Variants in PCYT1B observed in about 807,000 individuals in gnomAD.
PCYT1B encodes phosphate cytidylyltransferase 1B, choline, also known as choline-phosphate cytidylyltransferase B.
A neutral mutation model predicts 26.4 loss-of-function variants in PCYT1B; 10 were observed. That is an observed-to-expected ratio of 0.38 (90% CI 0.23 to 0.64). PCYT1B has a LOEUF of 0.64. Ranked by LOEUF, PCYT1B falls within the 30% of genes least tolerant of loss-of-function variation. PCYT1B has a pLI of 0.56. For missense variants in PCYT1B, 161 were observed against 292.7 expected, an observed-to-expected ratio of 0.55 and a Z score of 3.28; for synonymous variants, 131 against 108.4, an observed-to-expected ratio of 1.21 and a Z score of -1.29.
rs1923255325 is a variant in PCYT1B, at chrX:24,558,716, G to A, written c.*3577C>T. On this transcript the variant is annotated 3_prime_UTR_variant, in exon 8 of 8. Transcript: ENST00000379144. Reference sequence around the variant, plus strand: ...GTTAGAAGCCAGGCCAATGTCTCACGTCCTGCTCCTCTTGAGCCTGGCATT... The same window carrying A: ...GTTAGAAGCCAGGCCAATGTCTCACATCCTGCTCCTCTTGAGCCTGGCATT... 9.2e-6 allele frequency: 1 copy of A among 108,282 alleles called. No individual in the cohort carries two copies. The highest frequency in any genetic ancestry group is 2.9e-4 in the East Asian group (1 of 3,457). The allele number at this position is 108,282 out of a possible 1,213,427, so 8.9% of individuals were successfully genotyped here.
chrX:24,607,656 A>T (rs1397742103), intron 3 of PCYT1B, 89 bp downstream of exon 3: 1 of 499,667 alleles, frequency 2.0e-6, no homozygotes, highest in Non-Finnish European at 3.5e-6. Flanking sequence ...ACAATGTGAG[A>T]TTTTTACTGA....
rs1924511899 is a variant in PCYT1B, at chrX:24,590,189, T to C, written c.335-15A>G. On this transcript the variant is annotated splice_polypyrimidine_tract_variant and intron_variant, in intron 3 of 7. Coordinates refer to ENST00000379144, the MANE Select transcript of PCYT1B (RefSeq NM_004845.5). ...ATCACTGCAAACTAAAACAGGCAAA[T>C]GCATTAAATGCCATTACTCGGCCCA... is the stretch of plus-strand genomic sequence containing the variant. The C allele has an allele frequency of 2.5e-6, 3 of 1,199,579 alleles. No individual in the cohort carries two copies. Among genetic ancestry groups the C allele is most frequent in the Admixed American group, 2.2e-5 (1 of 45,231 alleles).
chrX:24,664,466 C>T (rs1927086858), intron 1 of PCYT1B, among the ~76,000 whole-genome samples: 1 of 111,906 alleles, frequency 8.9e-6, no homozygotes, highest in Admixed American at 9.5e-5. Context: ...ACTTACCAAA[C>T]TCAAAGCATG....
In PCYT1B at chrX:24,558,338, C is replaced by A. The variant is rs760757929; in HGVS notation, c.*3955G>T. ...CTACTTATGGCTTTGTCCCTGGACA[C>A]ATCGCAGTGACACAACAGAGGAAAA... is the stretch of plus-strand genomic sequence containing the variant. On this transcript the variant is annotated 3_prime_UTR_variant, in exon 8 of 8. Coordinates refer to ENST00000379144, the MANE Select transcript of PCYT1B (RefSeq NM_004845.5). 8.9e-6 allele frequency: 1 copy of A among 111,919 alleles called. No individual in the cohort carries two copies. Among genetic ancestry groups the A allele is most frequent in the Non-Finnish European group, 1.9e-5 (1 of 53,178 alleles). 9.2% of individuals were successfully genotyped at this position (111,919 alleles called of 1,213,427 possible). A position where few individuals can be genotyped will look rare whatever the true frequency, so the allele number is the denominator to read the frequency against.
At chrX:24,623,129 T>C (rs1925748881) in intron 1 of PCYT1B, among the ~76,000 whole-genome samples, 1 of 110,514 alleles carries the variant, frequency 9.0e-6, no homozygotes, top group African/African-American at 3.3e-5. Flanking sequence ...GCAGCAGCAA[T>C]CTTCTAAAGT....
At chrX:24,667,919 A>T (rs1927161158) in intron 1 of PCYT1B, among the ~76,000 whole-genome samples, 3 of 111,687 alleles carry the variant, frequency 2.7e-5, no homozygotes, top group South Asian at 3.8e-4. Flanking sequence ...CTTAAAGAAG[A>T]CAAGGAAGGG....
intron 2 of PCYT1B, among the ~76,000 whole-genome samples, chrX:24,613,950 C>CAAAAAAAAAAAAAAA (rs200062439): frequency 5.2e-5 from 4 of 77,209 alleles, no homozygotes; most frequent in African/African-American, 1.3e-4. Context: ...AACAACCTGT[C>CAAAAAAAAAAAAAAA]AAAAAAAAAA....
intron 1 of PCYT1B, among the ~76,000 whole-genome samples, chrX:24,666,599 G>A (rs767835058): frequency 1.9e-4 from 14 of 73,446 alleles, no homozygotes; most frequent in South Asian, 1.2e-3. Context: ...TTCCGTGTAT[G>A]TGTGTGAGTG....
chrX:24,580,303 A>C (rs1351457003), intron 5 of PCYT1B, among the ~76,000 whole-genome samples: 1 of 112,885 alleles, frequency 8.9e-6, no homozygotes, highest in African/African-American at 3.2e-5. Context: ...ATAAATGGAA[A>C]TTGAGTGAGA....
At chrX:24,651,468 AAAAAATATATATAT>A (rs1191834949), upstream of PCYT1B, among the ~76,000 whole-genome samples, 8 of 33,922 alleles carry the variant, frequency 2.4e-4, no homozygotes, top group South Asian at 1.9e-3. Context: ...AAAAAAAAAA[AAAAAATATATATAT>A]ATATATATAT....
intron 5 of PCYT1B, among the ~76,000 whole-genome samples, chrX:24,586,849 T>G (rs895325168): frequency 1.8e-5 from 2 of 112,122 alleles, no homozygotes; most frequent in African/African-American, 6.5e-5. Flanking sequence ...GATTATTAAC[T>G]AGCCAGTTAT....
At chrX:24,581,054 A>G (rs1044426553) in intron 5 of PCYT1B, among the ~76,000 whole-genome samples, 1 of 111,581 alleles carries the variant, frequency 9.0e-6, no homozygotes, top group South Asian at 3.8e-4. Context: ...ATTCAACACC[A>G]TCTTGGTCAA....
upstream of PCYT1B, among the ~76,000 whole-genome samples, chrX:24,650,524 G>A (rs1023508603): frequency 9.0e-6 from 1 of 110,771 alleles, no homozygotes; most frequent in Non-Finnish European, 1.9e-5. Flanking sequence ...GTTTCACTGT[G>A]TTGCCCAGGC....
Position 24,578,928 on chromosome X carries a change from G to C in PCYT1B, c.708+388C>G, listed in dbSNP as rs765486707. On this transcript the variant is annotated intron_variant, in intron 6 of 7. Coordinates refer to ENST00000379144, the MANE Select transcript of PCYT1B (RefSeq NM_004845.5). ...CCTGTAGATACTGGTTTTGTCATCT[G>C]TAAAATGGGGATAATAATACATCAT... 8.1e-5 allele frequency among the ~76,000 whole-genome samples: 9 copies of C among 111,714 alleles called. No homozygotes were observed. The East Asian group carries it at 2.0e-3, about 24-fold the overall frequency.
intron 1 of PCYT1B, among the ~76,000 whole-genome samples, chrX:24,666,756 T>C (rs1404290406): frequency 9.0e-6 from 1 of 111,244 alleles, no homozygotes; most frequent in South Asian, 3.8e-4. Context: ...GAGGCCTCAT[T>C]GTGAGAATGG....
intron 1 of PCYT1B, among the ~76,000 whole-genome samples, chrX:24,637,267 T>G (rs758359621): frequency 6.5e-5 from 7 of 106,973 alleles, no homozygotes; most frequent in Non-Finnish European, 1.1e-4. Context: ...CTCACTGAAG[T>G]TTGTGAACTA....
At chrX:24,608,402 A>G (rs913765665) in intron 2 of PCYT1B, among the ~76,000 whole-genome samples, 1 of 111,892 alleles carries the variant, frequency 8.9e-6, no homozygotes, top group African/African-American at 3.3e-5. Flanking sequence ...GGCAAATGCT[A>G]CAAATCAGGG....
chrX:24,610,224 T>C (rs992950733), intron 2 of PCYT1B, among the ~76,000 whole-genome samples: 8 of 112,119 alleles, frequency 7.1e-5, no homozygotes, highest in African/African-American at 2.6e-4. Context: ...CTTGATGCAA[T>C]GCAACCTCAT....
chrX:24,616,172 C>G (rs1253817915), intron 2 of PCYT1B, among the ~76,000 whole-genome samples: 1 of 108,450 alleles, frequency 9.2e-6, no homozygotes, highest in African/African-American at 3.4e-5. Context: ...TCAGTTTGGG[C>G]CTGATGCTCA....
Sources: gnomAD v4.1 joint callset for allele counts (sites outside exome capture counted in the v4.1 genomes callset) on GRCh38, gnomAD v4.1.1 for gene constraint, MANE v1.5 for transcripts, NCBI Gene and HGNC (gene_info 2026-07-23, HGNC 2026-07-21) for gene names.